Variants in CSMD1 observed in about 807,000 individuals in gnomAD.
CSMD1 encodes CUB and sushi domain-containing protein 1.
A neutral mutation model predicts 417.5 loss-of-function variants in CSMD1; 213 were observed. The observed-to-expected ratio is 0.51, with a 90% CI of 0.46 to 0.57. The LOEUF (loss-of-function observed/expected upper bound fraction) is 0.57, where lower values mean the gene tolerates loss of function less well. CSMD1 is among the 20% of genes least tolerant of loss of function. The probability of loss-of-function intolerance (pLI) is 0.00; values close to 1 mark genes in which losing one functional copy is unlikely to be tolerated. For missense variants in CSMD1, 6,923 were observed against 4,529.7 expected (o/e 1.53, Z -15.17); for synonymous variants, 2,862 against 1,736.8 (o/e 1.65, Z -16.11).
chr8:3,381,300 C>T (rs1418857083), intron 18 of CSMD1, among the ~76,000 whole-genome samples: 1 of 151,836 alleles, frequency 6.6e-6, no homozygotes, highest in South Asian at 2.1e-4. Flanking sequence ...TTACACACAC[C>T]CTATGTTAAA....
chr8:3,402,139 G>A (rs1812075224), intron 15 of CSMD1, among the ~76,000 whole-genome samples: 2 of 152,076 alleles, frequency 1.3e-5, no homozygotes, highest in African/African-American at 2.4e-5. Flanking sequence ...TATGAAGGAT[G>A]CAGCCTGTCT....
At chr8:4,483,662 A>C (rs953200628) in intron 2 of CSMD1, among the ~76,000 whole-genome samples, 1 of 152,204 alleles carries the variant, frequency 6.6e-6, no homozygotes, top group Non-Finnish European at 1.5e-5. Flanking sequence ...CTAAACACAT[A>C]TTTAATCCAT....
intron 3 of CSMD1, among the ~76,000 whole-genome samples, chr8:4,377,891 T>A (rs1418224214): frequency 6.6e-6 from 1 of 152,222 alleles, no homozygotes; most frequent in Non-Finnish European, 1.5e-5. Context: ...TGAATTAGTA[T>A]GGATTACTTT....
intron 3 of CSMD1, among the ~76,000 whole-genome samples, chr8:4,268,364 G>C (rs186896688): frequency 5.4e-4 from 82 of 152,162 alleles, no homozygotes; most frequent in Non-Finnish European, 1.0e-3. Flanking sequence ...TTTCCTCTTG[G>C]ATCAATACAC....
chr8:3,592,115 CATAG>C (rs1340421300), intron 8 of CSMD1, among the ~76,000 whole-genome samples: 3 of 151,824 alleles, frequency 2.0e-5, no homozygotes, highest in African/African-American at 7.3e-5. Flanking sequence ...TGGATAGATA[CATAG>C]ATGGATAGAT....
chr8:4,571,428 A>T, intron 2 of CSMD1, among the ~76,000 whole-genome samples: 1 of 152,198 alleles, frequency 6.6e-6, no homozygotes, highest in Non-Finnish European at 1.5e-5. Flanking sequence ...GCAGGTTATC[A>T]GTTTCCATGT....
intron 3 of CSMD1, among the ~76,000 whole-genome samples, chr8:4,066,973 A>G (rs1460870041): frequency 6.6e-6 from 1 of 152,260 alleles, no homozygotes; most frequent in East Asian, 1.9e-4. Context: ...CCTAATGAGT[A>G]TATTCTAAAG....
intron 13 of CSMD1, among the ~76,000 whole-genome samples, chr8:3,408,836 T>A (rs983624111): frequency 7.2e-5 from 11 of 152,150 alleles, no homozygotes; most frequent in African/African-American, 2.7e-4. Context: ...AACTGTTGGA[T>A]TTATCTCTAG....
chr8:4,122,799 A>C (rs1363707974), intron 3 of CSMD1, among the ~76,000 whole-genome samples: 6 of 152,198 alleles, frequency 3.9e-5, no homozygotes, highest in African/African-American at 1.4e-4. Context: ...CCATCAAAAA[A>C]ACAAATGATT....
chr8:3,230,075 C>A lies in CSMD1; in HGVS notation c.4310G>T (p.Arg1437Leu). 1 of 1,609,698 alleles carries A rather than the reference C, an allele frequency of 6.2e-7. No homozygotes were observed. The highest frequency in any genetic ancestry group is 8.5e-7 in the Non-Finnish European group (1 of 1,177,892). The change falls in exon 27 of 70, where the codon CGG (arginine) becomes CTG (leucine). Residue 1437 changes from arginine (R) to leucine (L), a missense_variant. By Grantham distance (102) the Arg-to-Leu change is moderately radical. Coordinates refer to ENST00000635120, the MANE Select transcript of CSMD1 (RefSeq NM_033225.6). The stretch of plus-strand genomic sequence containing the variant: ...AGGAGGGTCTGGTTGCCAAAAGAAC[C>A]GGTTATTCAGCTGCACACAGGTGAT... ...AKITCVQLNNRFFWQPDPPTC... is the reference protein window; with the variant it reads ...AKITCVQLNNLFFWQPDPPTC...
intron 23 of CSMD1, among the ~76,000 whole-genome samples, chr8:3,334,563 C>T (rs544002553): frequency 6.6e-6 from 1 of 152,238 alleles, no homozygotes; most frequent in African/African-American, 2.4e-5. Flanking sequence ...CTACATAAAC[C>T]CACAGCTCCA....
At chr8:3,082,276 G>A (rs975984862) in intron 49 of CSMD1, among the ~76,000 whole-genome samples, 3 of 152,184 alleles carry the variant, frequency 2.0e-5, no homozygotes, top group African/African-American at 7.2e-5. Flanking sequence ...AGATGGGATT[G>A]TATCTCTTTT....
At chr8:4,102,094 G>A (rs1206953738) in intron 3 of CSMD1, among the ~76,000 whole-genome samples, 2 of 152,138 alleles carry the variant, frequency 1.3e-5, no homozygotes, top group South Asian at 2.1e-4. Flanking sequence ...AATTTCTGAA[G>A]TAATGCTCAT....
chr8:4,960,254 G>C (rs1809388941), intron 1 of CSMD1, among the ~76,000 whole-genome samples: 1 of 152,220 alleles, frequency 6.6e-6, no homozygotes, highest in African/African-American at 2.4e-5. Flanking sequence ...TGAAGGAAAT[G>C]GAAAAGATAA....
At chr8:4,028,013 T>G (rs1425925211) in intron 4 of CSMD1, among the ~76,000 whole-genome samples, 2 of 152,186 alleles carry the variant, frequency 1.3e-5, no homozygotes, top group African/African-American at 4.8e-5. Context: ...GAGAACAGTC[T>G]GTGGAAAGCA....
chr8:3,903,115 C>A (rs974146352), intron 5 of CSMD1, among the ~76,000 whole-genome samples: 6 of 152,254 alleles, frequency 3.9e-5, no homozygotes, highest in South Asian at 2.1e-4. Flanking sequence ...TAGGTGGAGA[C>A]CTTCTTACTG....
chr8:3,966,018 G>C (rs987120481), intron 5 of CSMD1, among the ~76,000 whole-genome samples: 9 of 152,162 alleles, frequency 5.9e-5, no homozygotes, highest in African/African-American at 1.7e-4. Flanking sequence ...TTCAATTTTA[G>C]AAAGAAGCAG....
chr8:3,688,070 C>G (rs1007541487), intron 7 of CSMD1, among the ~76,000 whole-genome samples: 1 of 152,192 alleles, frequency 6.6e-6, no homozygotes, highest in African/African-American at 2.4e-5. Context: ...TTTTGTTCCT[C>G]AGGAAGTTCA....
rs1018335973 is a variant in CSMD1 at position 4,401,205 on chromosome 8, T to A, written c.415+18748A>T. Among the ~76,000 whole-genome samples, 33 of 152,128 alleles carry A rather than the reference T, an allele frequency of 2.2e-4. 1 individual carries two copies. The highest frequency in any genetic ancestry group is 1.9e-3 in the Admixed American group (29 of 15,272). On this transcript the variant is annotated intron_variant, in intron 3 of 69. Transcript: ENST00000635120. ...ATTAAGAGAAAAACTCTTCAAACGG[T>A]TTCTGAAATAACTTAATGAATTTCA...
Sources: allele counts gnomAD v4.1 joint callset (sites outside exome capture counted in the v4.1 genomes callset), GRCh38; gene constraint gnomAD v4.1.1; transcripts MANE v1.5; gene names NCBI Gene and HGNC (gene_info 2026-07-23, HGNC 2026-07-21).